The following SYNJ1 variants were observed in gnomAD, a reference collection of about 807,000 sequenced individuals.
The protein encoded by SYNJ1 is synaptojanin 1.
A neutral mutation model predicts 168.2 loss-of-function variants in SYNJ1; 78 were observed. That is an observed-to-expected ratio of 0.46 (90% CI 0.39 to 0.56). The LOEUF is 0.56. Ranked by LOEUF, SYNJ1 falls within the 20% of genes least tolerant of loss-of-function variation. The pLI is 0.00. For missense variants in SYNJ1, 1,303 were observed against 1,597.6 expected (o/e 0.82, Z 3.14); for synonymous variants, 539 against 548.6 (o/e 0.98, Z 0.24).
intron 18 of SYNJ1, among the ~76,000 whole-genome samples, chr21:32,662,915 G>C (rs1424531497): frequency 1.3e-5 from 2 of 152,146 alleles, no homozygotes; most frequent in Non-Finnish European, 2.9e-5. Context: ...GTGACCTTAG[G>C]AATCAATGGG....
intron 30 of SYNJ1, among the ~76,000 whole-genome samples, chr21:32,639,430 T>A (rs113457201): frequency 1.3e-5 from 2 of 152,198 alleles, no homozygotes; most frequent in African/African-American, 2.4e-5. Flanking sequence ...CTTGTTCTTT[T>A]GCCCAGGCTG....
At chr21:32,669,661 A>G (rs2041104748) in intron 15 of SYNJ1, among the ~76,000 whole-genome samples, 1 of 152,224 alleles carries the variant, frequency 6.6e-6, no homozygotes, top group East Asian at 1.9e-4. Flanking sequence ...ATAGTGTCTT[A>G]TCCACACACT....
intron 17 of SYNJ1, 83 bp from the exon 18 acceptor site, chr21:32,665,154 G>T: frequency 7.3e-7 from 1 of 1,364,370 alleles, no homozygotes; most frequent in Non-Finnish European, 9.9e-7. Context: ...CCTGAGATAT[G>T]CTTGTCTCCT....
intron 10 of SYNJ1, among the ~76,000 whole-genome samples, chr21:32,682,500 G>A (rs145052288): frequency 2.0e-3 from 306 of 152,182 alleles, no homozygotes; most frequent in African/African-American, 7.1e-3. Context: ...CTTAAACTGG[G>A]TTCATTTAAT....
At chr21:32,718,850 T>G (rs2043115646) in intron 2 of SYNJ1, among the ~76,000 whole-genome samples, 1 of 152,162 alleles carries the variant, frequency 6.6e-6, no homozygotes, top group Non-Finnish European at 1.5e-5. Context: ...AAAACACAAG[T>G]GTACAGTTCC....
chr21:32,713,396 G>A (rs34979351), intron 2 of SYNJ1, among the ~76,000 whole-genome samples: 6 of 120,654 alleles, frequency 5.0e-5, no homozygotes, highest in South Asian at 2.9e-4. Flanking sequence ...TTTCCCATAT[G>A]TCAACATGGA....
chr21:32,672,059 C>CAAAAAAAAAAAACAA (rs2041215839), intron 14 of SYNJ1, among the ~76,000 whole-genome samples: 1 of 24,662 alleles, frequency 4.1e-5, no homozygotes, highest in Non-Finnish European at 7.2e-5. Context: ...AACTCAATCT[C>CAAAAAAAAAAAACAA]AAAAAAAAAA....
At chr21:32,657,227 C>G (rs1028134207) in intron 19 of SYNJ1, 107 bp from the exon 20 acceptor site, 1 of 744,136 alleles carries the variant, frequency 1.3e-6, no homozygotes, top group South Asian at 1.8e-5. Context: ...TGGTTTGAGG[C>G]TGGAATGCCA....
At chr21:32,692,559 G>C (rs554980199) in intron 6 of SYNJ1, among the ~76,000 whole-genome samples, 1 of 152,134 alleles carries the variant, frequency 6.6e-6, no homozygotes, top group East Asian at 1.9e-4. Flanking sequence ...CTGGGCGACA[G>C]AGCATCATTC....
At position 32,629,316 on chromosome 21, in the gene SYNJ1, T is replaced by C. The variant is rs2039233446; in HGVS notation, c.*2489A>G. On this transcript the variant is annotated 3_prime_UTR_variant, in exon 33 of 33. Transcript: ENST00000674351. Reference sequence around the variant, plus strand: ...TTGAAGCAACTGCTTATAGTAATACTGCTGTTTAAGACGCTACTGCTGAAA... The same window carrying C: ...TTGAAGCAACTGCTTATAGTAATACCGCTGTTTAAGACGCTACTGCTGAAA... The C allele has an allele frequency of 6.6e-6, 1 of 152,652 alleles. No homozygotes were observed. The highest frequency in any genetic ancestry group is 2.4e-5 in the African/African-American group (1 of 41,456). The allele number at this position is 152,652 out of a possible 1,614,324, so 9.5% of individuals were successfully genotyped here. A position where few individuals can be genotyped will look rare whatever the true frequency, so the allele number is the denominator to read the frequency against.
chr21:32,721,356 A>C (rs541762676), intron 2 of SYNJ1, among the ~76,000 whole-genome samples: 1 of 152,358 alleles, frequency 6.6e-6, no homozygotes, highest in East Asian at 1.9e-4. Context: ...CAGAAGAAAT[A>C]ATAATGAAAT....
Position 32,726,928 on chromosome 21 carries a change from C to CAAGCA in SYNJ1, c.-22-16_-22-12dup, listed in dbSNP as rs762243392. ...TCTTCGGAGGCAGCCCTGCGAAAAC[C>CAAGCA]AAGCAAAGCAAAGCAAATGAAGCTG... On this transcript the variant is annotated splice_polypyrimidine_tract_variant and intron_variant, in intron 1 of 32. Transcript: ENST00000674351. 8.1e-6 allele frequency: 13 copies of CAAGCA among 1,612,878 alleles called. No homozygotes were observed. The highest frequency in any genetic ancestry group is 6.7e-5 in the East Asian group (3 of 44,806).
intron 2 of SYNJ1, among the ~76,000 whole-genome samples, chr21:32,723,664 G>GA (rs1192942201): frequency 6.6e-6 from 1 of 151,952 alleles, no homozygotes; most frequent in African/African-American, 2.4e-5. Flanking sequence ...AAAAAAATAC[G>GA]AAAAAAATTA....
chr21:32,663,261 T>C (rs930133449), intron 18 of SYNJ1, among the ~76,000 whole-genome samples: 7 of 152,124 alleles, frequency 4.6e-5, no homozygotes, highest in African/African-American at 1.7e-4. Context: ...TTGGACAATA[T>C]TGCATAGCTG....
At chr21:32,704,017 T>A (rs1427227310) in intron 2 of SYNJ1, among the ~76,000 whole-genome samples, 1 of 152,124 alleles carries the variant, frequency 6.6e-6, no homozygotes, top group Non-Finnish European at 1.5e-5. Flanking sequence ...AAAAAACATA[T>A]TCTTAACATT....
chr21:32,727,732 C>G, intron 1 of SYNJ1: 1 of 1,087,016 alleles, frequency 9.2e-7, no homozygotes, highest in Non-Finnish European at 1.2e-6. Context: ...CTGACAGCCG[C>G]TGTCACCACA....
chr21:32,662,470 C>T (rs1400867931), intron 18 of SYNJ1, among the ~76,000 whole-genome samples: 1 of 152,030 alleles, frequency 6.6e-6, no homozygotes, highest in African/African-American at 2.4e-5. Flanking sequence ...AAACGACTGC[C>T]CAGATGTGTG....
intron 2 of SYNJ1, among the ~76,000 whole-genome samples, chr21:32,723,857 A>G (rs796914244): frequency 1.8e-4 from 28 of 152,294 alleles, no homozygotes; most frequent in African/African-American, 6.7e-4. Flanking sequence ...AGAAGTATGC[A>G]CCTTGTGATA....
At position 32,646,424 on chromosome 21, in the gene SYNJ1, C is replaced by T; in HGVS notation, c.3216G>A (p.Pro1072=). Residue 1072 remains proline (P), a synonymous_variant, in exon 24 of 33, where the codon CCG becomes CCA. Coordinates refer to ENST00000674351, the MANE Select transcript of SYNJ1 (RefSeq NM_203446.3). ...CACTGGGAGGCCCAGGAGTTCTTGA[C>T]GGTGCTCGGCTTGGTCTGATGGGAA... is the stretch of plus-strand genomic sequence containing the variant. ...PSLPIRPSRA[P]SRTPGPPSAQ... is the part of the protein sequence containing the mutation. 6.2e-7 allele frequency: 1 copy of T among 1,614,116 alleles called. No individual in the cohort carries two copies. The highest frequency in any genetic ancestry group is 1.1e-5 in the South Asian group (1 of 91,080).
Sources: gnomAD v4.1 joint callset for allele counts (sites outside exome capture counted in the v4.1 genomes callset) on GRCh38, gnomAD v4.1.1 for gene constraint, MANE v1.5 for transcripts, NCBI Gene and HGNC (gene_info 2026-07-23, HGNC 2026-07-21) for gene names.